The following PCDH15 variants were observed in gnomAD, a reference collection of about 807,000 sequenced individuals.
The protein encoded by PCDH15 is protocadherin related 15.
PCDH15 carries 129 observed loss-of-function variants against 178.5 expected under a neutral mutation model. The observed-to-expected ratio is 0.72, with a 90% CI of 0.63 to 0.84. The LOEUF (loss-of-function observed/expected upper bound fraction) is 0.84, where lower values mean the gene tolerates loss of function less well. PCDH15 is among the 40% of genes least tolerant of loss of function. The pLI is 0.00. For synonymous variants in PCDH15, 800 were observed against 732.0 expected (o/e 1.09, Z -1.50); for missense variants, 2,230 against 2,099.9 (o/e 1.06, Z -1.21).
chr10:53,939,371 C>T (rs2085850935), intron 24 of PCDH15, among the ~76,000 whole-genome samples: 1 of 151,892 alleles, frequency 6.6e-6, no homozygotes, highest in African/African-American at 2.4e-5. Context: ...GATTATTATA[C>T]TCTTTGTAAT....
At chr10:54,988,254 T>G (rs1237265281) in intron 2 of PCDH15, among the ~76,000 whole-genome samples, 1 of 152,158 alleles carries the variant, frequency 6.6e-6, no homozygotes, top group African/African-American at 2.4e-5. Context: ...CACACTGTTT[T>G]GGTTTGTTTT....
chr10:55,335,047 C>A lies in PCDH15; in HGVS notation c.-155-168396G>T, dbSNP rs116616845. Among the ~76,000 whole-genome samples the A allele has an allele frequency of 5.6e-3, 851 of 152,210 alleles. 10 individuals are homozygous for A. The highest frequency in any genetic ancestry group is 0.02 in the African/African-American group (812 of 41,532). On this transcript the variant is annotated intron_variant, in intron 2 of 5. Transcript: ENST00000613346. The stretch of plus-strand genomic sequence containing the variant: ...GTCAAAACATTTAAAGAGTGGATTG[C>A]AATCTGCTATGGGGTCTCAAACATA...
chr10:55,591,244 A>T (rs12217517), intron 2 of PCDH15, among the ~76,000 whole-genome samples: 47,525 of 151,844 alleles, frequency 0.31, 7,651 homozygotes, highest in African/African-American at 0.39. Flanking sequence ...AACAGCCTGT[A>T]CAACATAGTA....
At chr10:54,980,908 A>C (rs1839217760) in intron 2 of PCDH15, among the ~76,000 whole-genome samples, 1 of 152,126 alleles carries the variant, frequency 6.6e-6, no homozygotes, top group Non-Finnish European at 1.5e-5. Flanking sequence ...CCTGATTTTC[A>C]TAGAAAATTG....
chr10:55,314,587 A>G (rs1431214799), intron 1 of PCDH15, among the ~76,000 whole-genome samples: 1 of 151,566 alleles, frequency 6.6e-6, no homozygotes, highest in African/African-American at 2.4e-5. Flanking sequence ...AACAAAAAAA[A>G]AAATTCCAAC....
chr10:54,074,717 T>G (rs976315777), intron 17 of PCDH15, among the ~76,000 whole-genome samples: 1 of 152,160 alleles, frequency 6.6e-6, no homozygotes, highest in Non-Finnish European at 1.5e-5. Flanking sequence ...TAAATGAAAG[T>G]GTGATTGGGG....
chr10:54,552,214 C>T (rs1335270703), intron 2 of PCDH15, among the ~76,000 whole-genome samples: 1 of 152,112 alleles, frequency 6.6e-6, no homozygotes. Context: ...AATGTACTCT[C>T]CTCTGATTCT....
chr10:54,722,300 T>C (rs1200506804), intron 1 of PCDH15, among the ~76,000 whole-genome samples: 1 of 151,102 alleles, frequency 6.6e-6, no homozygotes, highest in African/African-American at 2.4e-5. Context: ...CCATAAGAAC[T>C]GGAACAAGAC....
intron 3 of PCDH15, among the ~76,000 whole-genome samples, chr10:54,459,437 G>C (rs2077034166): frequency 6.6e-6 from 1 of 151,900 alleles, no homozygotes; most frequent in Admixed American, 6.6e-5. Context: ...GATCAAGTTT[G>C]TTCCTATATA....
intron 15 of PCDH15, among the ~76,000 whole-genome samples, chr10:54,118,412 G>A (rs770261105): frequency 6.6e-5 from 10 of 152,152 alleles, no homozygotes; most frequent in East Asian, 1.9e-4. Flanking sequence ...TGTAATCCCA[G>A]CACTTTGAGA....
chr10:55,244,645 C>T (rs1841640691), intron 1 of PCDH15, among the ~76,000 whole-genome samples: 1 of 151,922 alleles, frequency 6.6e-6, no homozygotes, highest in Non-Finnish European at 1.5e-5. Flanking sequence ...TCCTCACCTC[C>T]TGGTATTCTT....
chr10:55,355,283 A>G (rs1386634322), intron 2 of PCDH15, among the ~76,000 whole-genome samples: 2 of 151,964 alleles, frequency 1.3e-5, no homozygotes, highest in African/African-American at 4.8e-5. Context: ...CGAAGATTGG[A>G]TTGCTCGGTC....
intron 25 of PCDH15, among the ~76,000 whole-genome samples, chr10:53,908,627 T>C (rs1283926270): frequency 6.6e-6 from 1 of 152,202 alleles, no homozygotes; most frequent in African/African-American, 2.4e-5. Context: ...TAAATATACA[T>C]CACAGAAATA....
At chr10:54,731,531 GA>G (rs1367550945) in intron 1 of PCDH15, among the ~76,000 whole-genome samples, 1 of 39,958 alleles carries the variant, frequency 2.5e-5, no homozygotes, top group Non-Finnish European at 6.3e-5. Context: ...AATGAATAAA[GA>G]AAATGTGAGA....
At chr10:55,337,443 G>A (rs1844424684) in intron 2 of PCDH15, among the ~76,000 whole-genome samples, 1 of 152,152 alleles carries the variant, frequency 6.6e-6, no homozygotes, top group Admixed American at 6.5e-5. Flanking sequence ...AAGCCCCATA[G>A]ATTAAACTAA....
intron 29 of PCDH15, among the ~76,000 whole-genome samples, chr10:53,831,774 A>T (rs903279484): frequency 1.3e-5 from 2 of 152,196 alleles, no homozygotes; most frequent in African/African-American, 4.8e-5. Context: ...ATCTGCTTAT[A>T]GACTTAAAAA....
At chr10:54,562,295 A>G (rs1036234281) in intron 2 of PCDH15, among the ~76,000 whole-genome samples, 29 of 152,098 alleles carry the variant, frequency 1.9e-4, no homozygotes, top group Non-Finnish European at 3.4e-4. Context: ...CTGGCCTATC[A>G]ATGGTAATAC....
At chr10:54,969,948 T>A (rs1322764737) in intron 2 of PCDH15, among the ~76,000 whole-genome samples, 2 of 152,202 alleles carry the variant, frequency 1.3e-5, no homozygotes, top group African/African-American at 2.4e-5. Context: ...ATTTTTGTTG[T>A]CTTTTTGCAA....
intron 1 of PCDH15, among the ~76,000 whole-genome samples, chr10:54,712,454 A>T (rs771688622): frequency 1.3e-5 from 2 of 152,000 alleles, no homozygotes; most frequent in Non-Finnish European, 1.5e-5. Context: ...TGAAAAGAAC[A>T]TGTCATTTGA....
Sources: gnomAD v4.1 joint callset for allele counts (sites outside exome capture counted in the v4.1 genomes callset) on GRCh38, gnomAD v4.1.1 for gene constraint, MANE v1.5 for transcripts, NCBI Gene and HGNC (gene_info 2026-07-23, HGNC 2026-07-21) for gene names.